Variants in RPS6KC1 observed in about 807,000 individuals in gnomAD.
RPS6KC1 encodes the protein inactive ribosomal protein S6 kinase delta-1.
RPS6KC1 carries 54 observed loss-of-function variants against 103.8 expected under a neutral mutation model. That is an observed-to-expected ratio of 0.52 (90% CI 0.42 to 0.65). The LOEUF (loss-of-function observed/expected upper bound fraction) is 0.65. RPS6KC1 is among the 30% of genes least tolerant of loss of function. The pLI, the probability that RPS6KC1 is intolerant of heterozygous loss-of-function variation, is 0.00. For missense variants in RPS6KC1, 1,151 were observed against 1,253.8 expected (o/e 0.92, Z 1.24); for synonymous variants, 439 against 438.7 (o/e 1.00, Z -0.01).
At chr1:213,188,469 T>C (rs190399493) in intron 8 of RPS6KC1, among the ~76,000 whole-genome samples, 1 of 152,046 alleles carries the variant, frequency 6.6e-6, no homozygotes, top group Non-Finnish European at 1.5e-5. Flanking sequence ...TATCTCATTC[T>C]CATATTTGAA....
chr1:213,401,976 T>C, the RPS6KC1 span, among the ~76,000 whole-genome samples: 1 of 152,028 alleles, frequency 6.6e-6, no homozygotes, highest in Non-Finnish European at 1.5e-5. Context: ...TTTGTAAAGA[T>C]GAGATCTCAC....
At chr1:213,437,342 C>T in the RPS6KC1 span, among the ~76,000 whole-genome samples, 1 of 152,020 alleles carries the variant, frequency 6.6e-6, no homozygotes, top group East Asian at 1.9e-4. Flanking sequence ...TAAATTAACA[C>T]TGTATTCTTT....
chr1:213,580,477 A>G, the RPS6KC1 span, among the ~76,000 whole-genome samples: 2 of 152,138 alleles, frequency 1.3e-5, no homozygotes, highest in Non-Finnish European at 2.9e-5. Context: ...ATAAACTTAC[A>G]TGATAAAGCA....
At chr1:213,228,561 CAAA>C (rs554202956) in intron 8 of RPS6KC1, among the ~76,000 whole-genome samples, 2 of 124,150 alleles carry the variant, frequency 1.6e-5, no homozygotes, top group African/African-American at 6.0e-5. Context: ...CCCTGTCTTA[CAAA>C]AAAAAAAAAA....
the RPS6KC1 span, among the ~76,000 whole-genome samples, chr1:213,728,236 A>G: frequency 6.6e-6 from 1 of 152,168 alleles, no homozygotes; most frequent in Admixed American, 6.5e-5. Context: ...CTGGGAGGAA[A>G]TTATCTGAGG....
chr1:213,110,390 T>C (rs2082910224), intron 4 of RPS6KC1, among the ~76,000 whole-genome samples: 1 of 152,232 alleles, frequency 6.6e-6, no homozygotes, highest in Non-Finnish European at 1.5e-5. Flanking sequence ...TTAGTGTGTT[T>C]AGTAACTAAT....
the RPS6KC1 span, among the ~76,000 whole-genome samples, chr1:213,526,206 A>T: frequency 6.6e-6 from 1 of 152,222 alleles, no homozygotes; most frequent in Non-Finnish European, 1.5e-5. Context: ...GAATGTTTAC[A>T]TATTCTCTTC....
chr1:213,473,339 G>C, the RPS6KC1 span, among the ~76,000 whole-genome samples: 1 of 152,224 alleles, frequency 6.6e-6, no homozygotes, highest in Non-Finnish European at 1.5e-5. Flanking sequence ...ATAGTGGACA[G>C]GGATCTTTTC....
At chr1:213,488,233 T>G in the RPS6KC1 span, among the ~76,000 whole-genome samples, 1 of 152,236 alleles carries the variant, frequency 6.6e-6, no homozygotes, top group Non-Finnish European at 1.5e-5. Context: ...GTACCTGGCA[T>G]GTAGCTGGCA....
chr1:213,199,008 T>G (rs945937039), intron 8 of RPS6KC1, among the ~76,000 whole-genome samples: 1 of 151,732 alleles, frequency 6.6e-6, no homozygotes, highest in African/African-American at 2.4e-5. Context: ...CTACCACACC[T>G]CCCCATCAAA....
At chr1:213,228,341 A>G (rs2094007884) in intron 8 of RPS6KC1, among the ~76,000 whole-genome samples, 1 of 152,202 alleles carries the variant, frequency 6.6e-6, no homozygotes, top group Non-Finnish European at 1.5e-5. Flanking sequence ...GTTACCGACT[A>G]TTATAGCTTC....
At chr1:213,658,820 G>T in the RPS6KC1 span, among the ~76,000 whole-genome samples, 1 of 152,130 alleles carries the variant, frequency 6.6e-6, no homozygotes, top group Admixed American at 6.5e-5. Context: ...CCCCTACTTT[G>T]CTCTCTCCAT....
At chr1:213,570,744 A>T in the RPS6KC1 span, among the ~76,000 whole-genome samples, 1 of 152,174 alleles carries the variant, frequency 6.6e-6, no homozygotes, top group Non-Finnish European at 1.5e-5. Context: ...GTGAGAAATT[A>T]TCTAATGAAT....
At chr1:213,593,776 T>C in the RPS6KC1 span, among the ~76,000 whole-genome samples, 1 of 152,274 alleles carries the variant, frequency 6.6e-6, no homozygotes, top group African/African-American at 2.4e-5. Flanking sequence ...AGTAGGCAGC[T>C]GAGACCTGCA....
the RPS6KC1 span, among the ~76,000 whole-genome samples, chr1:213,772,453 A>G: frequency 1.3e-5 from 2 of 152,246 alleles, no homozygotes; most frequent in Middle Eastern, 3.2e-3. Context: ...TACAAAAATA[A>G]AAGTTTTCAA....
chr1:213,838,692 C>T, the RPS6KC1 span, among the ~76,000 whole-genome samples: 1 of 152,214 alleles, frequency 6.6e-6, no homozygotes, highest in African/African-American at 2.4e-5. Context: ...GTTCTACAGC[C>T]TCCAAATTCT....
chr1:213,561,965 A>C, the RPS6KC1 span, among the ~76,000 whole-genome samples: 1 of 152,334 alleles, frequency 6.6e-6, no homozygotes, highest in Admixed American at 6.5e-5. Context: ...TTGCACTTTC[A>C]ATATCCTTTG....
chr1:213,407,216 GCGCACACACA>G, the RPS6KC1 span, among the ~76,000 whole-genome samples: 30 of 92,836 alleles, frequency 3.2e-4, no homozygotes, highest in East Asian at 1.2e-3. Context: ...ACATGCACGC[GCGCACACACA>G]CACACACACA....
the RPS6KC1 span, among the ~76,000 whole-genome samples, chr1:213,733,800 C>T: frequency 0.017 from 2,576 of 152,258 alleles, 38 homozygotes; most frequent in South Asian, 0.063. Context: ...TAACATTCTT[C>T]TAAGGCTTCT....
Sources: gnomAD v4.1 joint callset for allele counts (sites outside exome capture counted in the v4.1 genomes callset) on GRCh38, gnomAD v4.1.1 for gene constraint, MANE v1.5 for transcripts, NCBI Gene and HGNC (gene_info 2026-07-23, HGNC 2026-07-21) for gene names.